CSMD1: variants seen among roughly 807,000 people sequenced by gnomAD.
CSMD1 encodes CUB and Sushi multiple domains 1, also known as CUB and sushi domain-containing protein 1.
In CSMD1, 213 loss-of-function variants were observed where a neutral mutation model predicts 417.5. That is an observed-to-expected ratio of 0.51 (90% confidence interval 0.46 to 0.57). The LOEUF is 0.57. Ranked by LOEUF, CSMD1 falls within the 20% of genes least tolerant of loss-of-function variation. CSMD1 has a pLI of 0.00. For synonymous variants in CSMD1, 2,862 were observed against 1,736.8 expected (o/e 1.65, Z -16.11); for missense variants, 6,923 against 4,529.7 (o/e 1.53, Z -15.17).
At chr8:2,984,783 A>G (rs1805730718) in intron 54 of CSMD1, among the ~76,000 whole-genome samples, 4 of 152,256 alleles carry the variant, frequency 2.6e-5, no homozygotes, top group Admixed American at 1.3e-4. Flanking sequence ...TGCAAAGCAC[A>G]TGGGTTTGGA....
At chr8:3,594,565 G>A (rs1801005135) in intron 8 of CSMD1, among the ~76,000 whole-genome samples, 1 of 152,198 alleles carries the variant, frequency 6.6e-6, no homozygotes, top group Non-Finnish European at 1.5e-5. Flanking sequence ...TACCATGGAG[G>A]CTATCTCCTA....
At chr8:3,505,735 T>C (rs987689615) in intron 10 of CSMD1, among the ~76,000 whole-genome samples, 14 of 152,214 alleles carry the variant, frequency 9.2e-5, no homozygotes, top group African/African-American at 3.4e-4. Context: ...AAAACGATGT[T>C]CTGCTTAGTA....
intron 11 of CSMD1, among the ~76,000 whole-genome samples, chr8:3,483,704 C>T (rs79915250): frequency 0.028 from 4,229 of 152,008 alleles, 131 homozygotes; most frequent in East Asian, 0.16. Flanking sequence ...AACTATAGAC[C>T]GATATCTTTT....
chr8:3,041,604 C>G (rs1240487239), intron 50 of CSMD1, among the ~76,000 whole-genome samples: 1 of 152,220 alleles, frequency 6.6e-6, no homozygotes, highest in African/African-American at 2.4e-5. Flanking sequence ...AACAGCACCA[C>G]ATCTATCTGT....
At chr8:3,478,319 T>C (rs1488888282) in intron 11 of CSMD1, among the ~76,000 whole-genome samples, 1 of 152,148 alleles carries the variant, frequency 6.6e-6, no homozygotes, top group Non-Finnish European at 1.5e-5. Flanking sequence ...AAGGGGAAAA[T>C]AAAAGTTGAC....
At chr8:4,345,643 G>A (rs1294157922) in intron 3 of CSMD1, among the ~76,000 whole-genome samples, 1 of 151,988 alleles carries the variant, frequency 6.6e-6, no homozygotes, top group Non-Finnish European at 1.5e-5. Flanking sequence ...CTGAAACACG[G>A]TTCAAATGAC....
intron 26 of CSMD1, among the ~76,000 whole-genome samples, chr8:3,249,917 A>C (rs1035993158): frequency 6.6e-6 from 1 of 152,234 alleles, no homozygotes; most frequent in African/African-American, 2.4e-5. Context: ...TAAATTATAG[A>C]CATGAAATAA....
At chr8:3,101,579 T>C (rs536941684) in intron 46 of CSMD1, among the ~76,000 whole-genome samples, 1 of 150,110 alleles carries the variant, frequency 6.7e-6, no homozygotes, top group Non-Finnish European at 1.5e-5. Flanking sequence ...CCCACAACCA[T>C]GCCTGGCTAA....
At chr8:4,631,229 G>T (rs779881189) in intron 2 of CSMD1, among the ~76,000 whole-genome samples, 25 of 152,084 alleles carry the variant, frequency 1.6e-4, no homozygotes, top group Non-Finnish European at 2.8e-4. Context: ...AGGAGTGGTG[G>T]CATGTGCCTG....
chr8:4,107,844 C>T (rs1206437386), intron 3 of CSMD1, among the ~76,000 whole-genome samples: 1 of 152,214 alleles, frequency 6.6e-6, no homozygotes, highest in Admixed American at 6.5e-5. Flanking sequence ...ACAGGCTGCA[C>T]ATTCTCTCTG....
At chr8:4,175,765 G>T (rs533677829) in intron 3 of CSMD1, among the ~76,000 whole-genome samples, 1 of 152,192 alleles carries the variant, frequency 6.6e-6, no homozygotes, top group African/African-American at 2.4e-5. Context: ...AAGTTAAAAA[G>T]ATATAAAGTC....
At chr8:3,674,883 G>A (rs975879356) in intron 7 of CSMD1, among the ~76,000 whole-genome samples, 2 of 152,296 alleles carry the variant, frequency 1.3e-5, no homozygotes, top group African/African-American at 2.4e-5. Context: ...GATGGACAAC[G>A]TAAGACTTGT....
At chr8:3,560,683 C>G (rs1799431518) in intron 10 of CSMD1, among the ~76,000 whole-genome samples, 1 of 152,108 alleles carries the variant, frequency 6.6e-6, no homozygotes, top group Non-Finnish European at 1.5e-5. Flanking sequence ...TCATGGAAAC[C>G]ATGAATTTCT....
At chr8:3,916,916 A>G (rs1250775961) in intron 5 of CSMD1, among the ~76,000 whole-genome samples, 1 of 150,344 alleles carries the variant, frequency 6.7e-6, no homozygotes, top group Non-Finnish European at 1.5e-5. Flanking sequence ...ATTAAAAAAA[A>G]TAACAATAAT....
intron 3 of CSMD1, among the ~76,000 whole-genome samples, chr8:4,410,665 G>A (rs992134293): frequency 2.0e-5 from 3 of 152,060 alleles, no homozygotes; most frequent in African/African-American, 4.8e-5. Flanking sequence ...ATTTGCCCCT[G>A]ACACAAGAGT....
At chr8:3,339,102 T>TG (rs1807473580) in intron 23 of CSMD1, among the ~76,000 whole-genome samples, 1 of 151,440 alleles carries the variant, frequency 6.6e-6, no homozygotes, top group Non-Finnish European at 1.5e-5. Context: ...TGTTTGTTCT[T>TG]GCGATAGTTT....
At chr8:4,246,529 T>A (rs1007100646) in intron 3 of CSMD1, among the ~76,000 whole-genome samples, 1 of 152,156 alleles carries the variant, frequency 6.6e-6, no homozygotes, top group Non-Finnish European at 1.5e-5. Flanking sequence ...GAAAATTACT[T>A]TTTTTACTTA....
At chr8:4,913,371 G>T (rs1461301533) in intron 1 of CSMD1, among the ~76,000 whole-genome samples, 2 of 152,260 alleles carry the variant, frequency 1.3e-5, no homozygotes, top group South Asian at 2.1e-4. Context: ...TCTGGCGGGG[G>T]ACCATTGCTT....
chr8:3,955,319 G>C (rs1811869776), intron 5 of CSMD1, among the ~76,000 whole-genome samples: 2 of 152,142 alleles, frequency 1.3e-5, no homozygotes, highest in Admixed American at 1.3e-4. Flanking sequence ...TGTGTTCTTG[G>C]TGAAACTCCA....
Sources: gnomAD v4.1 joint callset for allele counts (sites outside exome capture counted in the v4.1 genomes callset) on GRCh38, gnomAD v4.1.1 for gene constraint, MANE v1.5 for transcripts, NCBI Gene and HGNC (gene_info 2026-07-23, HGNC 2026-07-21) for gene names.